The following CDC14A variants were observed in gnomAD, a reference collection of about 807,000 sequenced individuals.
CDC14A encodes the protein dual specificity protein phosphatase CDC14A.
A neutral mutation model predicts 74.4 loss-of-function variants in CDC14A; 53 were observed. That is an observed-to-expected ratio of 0.71 (90% confidence interval 0.57 to 0.89). The LOEUF is 0.89. Among genes scored for constraint, CDC14A ranks in the 40% least tolerant of loss-of-function variants. CDC14A has a pLI of 0.00. For synonymous variants in CDC14A, 247 were observed against 258.4 expected (o/e 0.96, Z 0.43); for missense variants, 646 against 713.7 (o/e 0.91, Z 1.08).
intron 7 of CDC14A, among the ~76,000 whole-genome samples, chr1:100,450,009 G>T (rs1016421243): frequency 4.4e-4 from 64 of 145,638 alleles, no homozygotes; most frequent in Non-Finnish European, 9.0e-4. Context: ...CAAGAGTGAG[G>T]TTTTTTTTTT....
chr1:100,502,300 G>A (rs1272886585), intron 15 of CDC14A, among the ~76,000 whole-genome samples: 1 of 152,094 alleles, frequency 6.6e-6, no homozygotes, highest in Non-Finnish European at 1.5e-5. Flanking sequence ...CTTTACAGGT[G>A]TACAATTTTT....
At chr1:100,494,515 G>A (rs988857254) in intron 11 of CDC14A, among the ~76,000 whole-genome samples, 19 of 152,138 alleles carry the variant, frequency 1.2e-4, no homozygotes, top group African/African-American at 3.6e-4. Flanking sequence ...ATATTCCAAC[G>A]TATGATTGTG....
At chr1:100,498,845 G>A in intron 14 of CDC14A, 84 bp from the exon 15 acceptor site, 1 of 1,494,534 alleles carries the variant, frequency 6.7e-7, no homozygotes, top group Non-Finnish European at 8.9e-7. Context: ...CTAATGTCAT[G>A]AGTATGTGTT....
chr1:100,364,199 TC>T (rs1198975626), intron 2 of CDC14A, among the ~76,000 whole-genome samples: 1 of 151,882 alleles, frequency 6.6e-6, no homozygotes, highest in African/African-American at 2.4e-5. Flanking sequence ...TGGATGATCA[TC>T]TTTTTTTTTT....
chr1:100,475,166 A>G (rs953612867), intron 10 of CDC14A, among the ~76,000 whole-genome samples: 5 of 152,014 alleles, frequency 3.3e-5, no homozygotes, highest in Non-Finnish European at 7.4e-5. Context: ...CCCCTTTACA[A>G]ATTCTCTCAT....
chr1:100,465,775 T>C (rs1667741506), intron 9 of CDC14A, among the ~76,000 whole-genome samples: 1 of 152,240 alleles, frequency 6.6e-6, no homozygotes, highest in Non-Finnish European at 1.5e-5. Flanking sequence ...CCACAAATAA[T>C]AATCTAAAAT....
chr1:100,456,469 T>C (rs963084880), intron 8 of CDC14A, among the ~76,000 whole-genome samples: 1 of 149,876 alleles, frequency 6.7e-6, no homozygotes, highest in Non-Finnish European at 1.5e-5. Flanking sequence ...AGAGGTGGAA[T>C]ACCAGTGTTC....
intron 8 of CDC14A, among the ~76,000 whole-genome samples, chr1:100,456,281 G>A (rs1364469645): frequency 6.6e-6 from 1 of 152,170 alleles, no homozygotes; most frequent in African/African-American, 2.4e-5. Flanking sequence ...AGCTATGCAA[G>A]TTTTCCCATT....
chr1:100,405,703 A>G (rs1659853098), intron 4 of CDC14A, among the ~76,000 whole-genome samples: 2 of 152,238 alleles, frequency 1.3e-5, no homozygotes, highest in African/African-American at 4.8e-5. Context: ...TGCAAAGGAC[A>G]TGATCTTGTT....
intron 3 of CDC14A, among the ~76,000 whole-genome samples, chr1:100,389,216 A>G (rs541272673): frequency 1.4e-5 from 2 of 147,722 alleles, no homozygotes; most frequent in South Asian, 4.3e-4. Flanking sequence ...AAAAGATAAA[A>G]GGGTACAGCC....
intron 15 of CDC14A, among the ~76,000 whole-genome samples, chr1:100,511,515 C>T (rs1374011327): frequency 6.6e-6 from 1 of 151,938 alleles, no homozygotes; most frequent in Non-Finnish European, 1.5e-5. Flanking sequence ...GAGCATTGGA[C>T]CTACACTCCC....
chr1:100,381,206 G>A (rs1235788976), intron 3 of CDC14A, among the ~76,000 whole-genome samples: 1 of 152,136 alleles, frequency 6.6e-6, no homozygotes, highest in Non-Finnish European at 1.5e-5. Flanking sequence ...TTCTCCTTTT[G>A]CTTCCAGAGG....
Position 100,403,211 on chromosome 1 carries a change from C to T in CDC14A, c.309+12387C>T, listed in dbSNP as rs567009463. Among the ~76,000 whole-genome samples the T allele has an allele frequency of 3.1e-4, 47 of 152,274 alleles. No individual in the cohort carries two copies. The South Asian group carries it at 3.9e-3, about 13-fold the overall frequency. Reference sequence around the variant, plus strand: ...AGCCTAGTACACACACATACACACACGCCATTCACATGTATAATTGAAACA... The same window carrying T: ...AGCCTAGTACACACACATACACACATGCCATTCACATGTATAATTGAAACA... On this transcript the variant is annotated intron_variant, in intron 4 of 15. Transcript: ENST00000336454.
At chr1:100,466,474 C>A (rs533411649) in intron 9 of CDC14A, among the ~76,000 whole-genome samples, 2 of 152,066 alleles carry the variant, frequency 1.3e-5, no homozygotes, top group Non-Finnish European at 2.9e-5. Flanking sequence ...CCTCACTCTT[C>A]GAAAGAACAT....
intron 4 of CDC14A, among the ~76,000 whole-genome samples, chr1:100,408,778 A>G (rs1437826098): frequency 6.6e-6 from 1 of 152,148 alleles, no homozygotes; most frequent in Non-Finnish European, 1.5e-5. Flanking sequence ...TACATGTGAT[A>G]TATAGTGATC....
At chr1:100,453,305 C>T (rs543469480) in intron 7 of CDC14A, among the ~76,000 whole-genome samples, 31 of 152,190 alleles carry the variant, frequency 2.0e-4, no homozygotes, top group Middle Eastern at 3.4e-3. Flanking sequence ...TATTGCAGAG[C>T]GTATTTATCT....
chr1:100,397,975 C>T (rs1375036805), intron 4 of CDC14A, among the ~76,000 whole-genome samples: 8 of 152,202 alleles, frequency 5.3e-5, no homozygotes, highest in Admixed American at 5.2e-4. Flanking sequence ...AGAAGCCATT[C>T]TCCATTTGGC....
intron 2 of CDC14A, among the ~76,000 whole-genome samples, chr1:100,356,348 C>T (rs1261900806): frequency 2.6e-5 from 4 of 152,048 alleles, no homozygotes; most frequent in Non-Finnish European, 5.9e-5. Context: ...ATTGTGTTTT[C>T]ACAACAATTC....
chr1:100,487,260 T>G (rs1233728874), intron 11 of CDC14A, among the ~76,000 whole-genome samples: 1 of 152,168 alleles, frequency 6.6e-6, no homozygotes, highest in East Asian at 1.9e-4. Context: ...TTTGGAGAAT[T>G]CGAATAGAGT....
Sources: gnomAD v4.1 joint callset for allele counts (sites outside exome capture counted in the v4.1 genomes callset) on GRCh38, gnomAD v4.1.1 for gene constraint, MANE v1.5 for transcripts, NCBI Gene and HGNC (gene_info 2026-07-23, HGNC 2026-07-21) for gene names.